The following C3orf49 variants were observed in gnomAD, a reference collection of about 807,000 sequenced individuals.
C3orf49 encodes the protein chromosome 3 open reading frame 49.
C3orf49 carries 27 observed loss-of-function variants against 13.3 expected under a neutral mutation model. That is an observed-to-expected ratio of 2.02 (90% CI 1.49 to 2.79). C3orf49 has a LOEUF of 2.79. Ranked by LOEUF, C3orf49 falls within the 30% of genes most tolerant of loss-of-function variation. The pLI, the probability that C3orf49 is intolerant of heterozygous loss-of-function variation, is 0.00. For synonymous variants in C3orf49, 87 were observed against 47.6 expected, an observed-to-expected ratio of 1.83 and a Z score of -3.40; for missense variants, 242 against 134.2, an observed-to-expected ratio of 1.80 and a Z score of -3.97.
chr3:63,809,548 G>T, the C3orf49 span, among the ~76,000 whole-genome samples: 2 of 151,878 alleles, frequency 1.3e-5, no homozygotes, highest in Non-Finnish European at 2.9e-5. Flanking sequence ...TCCTCTAAGA[G>T]CTTCTCGTCT....
At chr3:63,803,609 G>A in the C3orf49 span, among the ~76,000 whole-genome samples, 2 of 152,170 alleles carry the variant, frequency 1.3e-5, no homozygotes, top group African/African-American at 2.4e-5. Flanking sequence ...TTGCTCTCAC[G>A]TGCCATGGGG....
intron 5 of C3orf49, chr3:63,835,529 G>C (rs1701614423): frequency 1.7e-6 from 1 of 604,484 alleles, no homozygotes; most frequent in Non-Finnish European, 2.7e-6. Context: ...CCATTATGGT[G>C]AAACTTTTAA....
At chr3:63,781,593 C>T in the C3orf49 span, among the ~76,000 whole-genome samples, 8 of 151,968 alleles carry the variant, frequency 5.3e-5, no homozygotes, top group South Asian at 6.2e-4. Flanking sequence ...GTATGTGTGC[C>T]GAGTTGAGTT....
the C3orf49 span, among the ~76,000 whole-genome samples, chr3:63,780,976 A>G: frequency 6.6e-6 from 1 of 151,712 alleles, no homozygotes; most frequent in East Asian, 1.9e-4. Flanking sequence ...TTTGCTGTGC[A>G]GAAGCTCTTT....
At chr3:63,835,122 TA>T in intron 5 of C3orf49, 1 of 1,605,844 alleles carries the variant, frequency 6.2e-7, no homozygotes, top group Non-Finnish European at 8.5e-7. Context: ...AAAATCTTCA[TA>T]AGCATTTACT....
chr3:63,839,537 G>A, intron 5 of C3orf49: 1 of 826,546 alleles, frequency 1.2e-6, no homozygotes, highest in East Asian at 2.5e-5. Flanking sequence ...GGTTAATTAA[G>A]AGTTGACTCC....
chr3:63,791,670 T>A, the C3orf49 span, among the ~76,000 whole-genome samples: 5 of 152,234 alleles, frequency 3.3e-5, no homozygotes, highest in African/African-American at 1.2e-4. Flanking sequence ...GGTTCTATTG[T>A]TGCAGTCAAG....
chr3:63,794,172 TACACAC>T, the C3orf49 span, among the ~76,000 whole-genome samples: 6 of 142,614 alleles, frequency 4.2e-5, no homozygotes, highest in South Asian at 2.2e-4. Context: ...TACACACACA[TACACAC>T]ACACACACAC....
intron 5 of C3orf49, among the ~76,000 whole-genome samples, chr3:63,839,195 A>G (rs1220262387): frequency 6.6e-6 from 1 of 152,178 alleles, no homozygotes; most frequent in Non-Finnish European, 1.5e-5. Flanking sequence ...GTCTCACAAA[A>G]AAAAAGATTA....
intron 5 of C3orf49, chr3:63,836,394 T>A (rs1701636062): frequency 1.3e-6 from 2 of 1,598,210 alleles, no homozygotes; most frequent in Non-Finnish European, 1.7e-6. Context: ...AACTAAGGAT[T>A]TTTTGAATGT....
At chr3:63,812,055 G>T in the C3orf49 span, among the ~76,000 whole-genome samples, 7 of 152,224 alleles carry the variant, frequency 4.6e-5, no homozygotes, top group South Asian at 1.2e-3. Context: ...CACCCAACTG[G>T]GGTGCCACTC....
chr3:63,790,431 A>G, the C3orf49 span, among the ~76,000 whole-genome samples: 3 of 152,324 alleles, frequency 2.0e-5, no homozygotes, highest in East Asian at 1.9e-4. Context: ...AACCTTGGCT[A>G]TACAATAGAA....
chr3:63,816,825 T>C (rs1185955314), upstream of C3orf49, among the ~76,000 whole-genome samples: 1 of 136,134 alleles, frequency 7.3e-6, no homozygotes, highest in Non-Finnish European at 1.5e-5. Context: ...CAGGCTGGAG[T>C]GCAGTGGCGC....
intron 6 of C3orf49, among the ~76,000 whole-genome samples, 192 bp downstream of exon 6, chr3:63,845,274 T>C (rs1490254567): frequency 6.6e-6 from 1 of 152,188 alleles, no homozygotes; most frequent in Admixed American, 6.5e-5. Flanking sequence ...TAGGGTTAGT[T>C]TGTACTGTGG....
chr3:63,782,492 G>A, the C3orf49 span: 1 of 152,166 alleles, frequency 6.6e-6, no homozygotes, highest in African/African-American at 2.4e-5. Context: ...TAGATTTCCA[G>A]CTGTAAACAG....
At chr3:63,822,273 C>A (rs1012134066) in intron 1 of C3orf49, among the ~76,000 whole-genome samples, 1 of 152,172 alleles carries the variant, frequency 6.6e-6, no homozygotes, top group Non-Finnish European at 1.5e-5. Context: ...CCGCGCCTGG[C>A]CCCCTCCCTG....
At chr3:63,846,536 T>C (rs113386200) in intron 6 of C3orf49, among the ~76,000 whole-genome samples, 47,515 of 151,914 alleles carry the variant, frequency 0.31, 7,724 homozygotes, top group East Asian at 0.39. Context: ...GCCTCCCAAG[T>C]AGCTGGGATT....
At chr3:63,834,173 C>A in intron 5 of C3orf49, 1 of 1,614,040 alleles carries the variant, frequency 6.2e-7, no homozygotes, top group Non-Finnish European at 8.5e-7. Context: ...TCCTGAGCTT[C>A]TTCTACCTCT....
chr3:63,791,455 G>C, the C3orf49 span, among the ~76,000 whole-genome samples: 33 of 152,308 alleles, frequency 2.2e-4, no homozygotes, highest in Middle Eastern at 6.8e-3. Flanking sequence ...GAGAAAAGGT[G>C]AGCTCAGGTT....
Sources: gnomAD v4.1 joint callset for allele counts (sites outside exome capture counted in the v4.1 genomes callset) on GRCh38, gnomAD v4.1.1 for gene constraint, MANE v1.5 for transcripts, NCBI Gene and HGNC (gene_info 2026-07-23, HGNC 2026-07-21) for gene names.